The following DNM3 variants were observed in gnomAD, a reference collection of about 807,000 sequenced individuals.
DNM3 encodes dynamin-3.
In DNM3, 47 loss-of-function variants were observed where a neutral mutation model predicts 101.6. The ratio of observed to expected loss-of-function variants is 0.46; its 90% CI spans 0.37 to 0.59. The LOEUF (loss-of-function observed/expected upper bound fraction) is 0.59. Ranked by LOEUF, DNM3 falls within the 20% of genes least tolerant of loss-of-function variation. DNM3 has a pLI of 0.00. For missense variants in DNM3, 849 were observed against 1,085.7 expected (o/e 0.78, Z 3.06); for synonymous variants, 385 against 387.9 (o/e 0.99, Z 0.09).
At chr1:172,239,739 G>A (rs528415277) in intron 14 of DNM3, among the ~76,000 whole-genome samples, 24 of 147,832 alleles carry the variant, frequency 1.6e-4, no homozygotes, top group Middle Eastern at 3.8e-3. Context: ...CATTCTCTGG[G>A]TTCTTGGTTA....
intron 18 of DNM3, 121 bp from the exon 19 acceptor site, chr1:172,387,012 A>AGGGTGGACTT: frequency 1.3e-6 from 1 of 778,866 alleles, no homozygotes; most frequent in Non-Finnish European, 2.1e-6. Context: ...CACTTTTCCC[A>AGGGTGGACTT]GGGTGGACTT....
intron 2 of DNM3, among the ~76,000 whole-genome samples, chr1:171,957,284 A>G (rs544436660): frequency 7.1e-6 from 1 of 141,656 alleles, no homozygotes; most frequent in East Asian, 2.0e-4. Context: ...TGCAAGCTCC[A>G]CCTCCCAGGT....
At position 172,131,431 on chromosome 1, in the gene DNM3, C is replaced by T. The variant is rs2056929848; in HGVS notation, c.1659+143C>T. On this transcript the variant is annotated intron_variant, in intron 14 of 20. Coordinates refer to ENST00000627582, the MANE Select transcript of DNM3 (RefSeq NM_015569.5). ...CTTGGAATGTTTGTTTAAAAAGGCA[C>T]TATTATTTTCTTATAGATTTTAAAG... 8 of 660,230 alleles carry T rather than the reference C, an allele frequency of 1.2e-5. No homozygotes were observed. In the South Asian group the frequency reaches 2.0e-4, roughly 17 times the overall value. The allele number at this position is 660,230 out of a possible 1,614,324, so 40.9% of individuals were successfully genotyped here.
intron 2 of DNM3, among the ~76,000 whole-genome samples, chr1:171,969,823 G>A (rs1313689536): frequency 6.6e-6 from 1 of 152,014 alleles, no homozygotes; most frequent in African/African-American, 2.4e-5. Flanking sequence ...AACAATCCTA[G>A]GAGGTAGGTG....
At chr1:171,944,349 A>ATTTT in intron 2 of DNM3, among the ~76,000 whole-genome samples, 1 of 104,886 alleles carries the variant, frequency 9.5e-6, no homozygotes, top group Non-Finnish European at 2.4e-5. Flanking sequence ...GTATTTATTT[A>ATTTT]TTTATTTATT....
chr1:172,379,230 G>A lies in DNM3; in HGVS notation c.2058+48G>A, dbSNP rs750631588. On this transcript the variant is annotated intron_variant, in intron 18 of 20. Coordinates refer to ENST00000627582, the MANE Select transcript of DNM3 (RefSeq NM_015569.5). Reference sequence around the variant, plus strand: ...CATTTAACTTCTAACCCATCCGAGTGTGGAAGTTGCACATATTATCTTCAG... The same window carrying A: ...CATTTAACTTCTAACCCATCCGAGTATGGAAGTTGCACATATTATCTTCAG... 5.5e-6 allele frequency: 8 copies of A among 1,448,042 alleles called. No homozygotes were observed. The African/African-American group carries it at 8.5e-5, about 15-fold the overall frequency. 89.7% of individuals were successfully genotyped at this position (1,448,042 alleles called of 1,614,324 possible).
At chr1:171,865,310 G>A (rs1176691542) in intron 1 of DNM3, among the ~76,000 whole-genome samples, 1 of 151,964 alleles carries the variant, frequency 6.6e-6, no homozygotes, top group Non-Finnish European at 1.5e-5. Flanking sequence ...GAGCCCGGGA[G>A]TTCTAGACAA....
At chr1:171,904,815 G>A (rs150744003) in intron 1 of DNM3, among the ~76,000 whole-genome samples, 68 of 152,252 alleles carry the variant, frequency 4.5e-4, no homozygotes, top group Middle Eastern at 3.4e-3. Flanking sequence ...AACTTGGTAC[G>A]GAGGCTGAGG....
At chr1:172,216,583 A>G (rs1345154599) in intron 14 of DNM3, among the ~76,000 whole-genome samples, 1 of 152,194 alleles carries the variant, frequency 6.6e-6, no homozygotes, top group Non-Finnish European at 1.5e-5. Context: ...GAAACACTCA[A>G]GGCCAAATTG....
At chr1:172,236,375 GAA>G (rs1190602992) in intron 14 of DNM3, among the ~76,000 whole-genome samples, 1 of 152,160 alleles carries the variant, frequency 6.6e-6, no homozygotes, top group Admixed American at 6.6e-5. Flanking sequence ...TTCATGGAGA[GAA>G]AAGAGAGAGA....
At chr1:171,857,861 G>A (rs372931636) in intron 1 of DNM3, among the ~76,000 whole-genome samples, 1 of 152,138 alleles carries the variant, frequency 6.6e-6, no homozygotes, top group East Asian at 1.9e-4. Flanking sequence ...TCATAAGGGT[G>A]AGGCCCTGAT....
intron 15 of DNM3, among the ~76,000 whole-genome samples, chr1:172,270,862 T>A: frequency 6.6e-6 from 1 of 152,110 alleles, no homozygotes. Context: ...TTTCAAAAAA[T>A]GCAGTTGCAG....
intron 1 of DNM3, among the ~76,000 whole-genome samples, chr1:171,853,122 A>G (rs1014854622): frequency 2.6e-5 from 4 of 152,278 alleles, no homozygotes; most frequent in East Asian, 1.9e-4. Context: ...GGCTAATTCC[A>G]TGAAGCAGCT....
intron 10 of DNM3, among the ~76,000 whole-genome samples, chr1:172,063,212 A>G (rs2051384157): frequency 6.6e-6 from 1 of 152,188 alleles, no homozygotes; most frequent in African/African-American, 2.4e-5. Context: ...TAGAGGCATC[A>G]AACTTGTTCC....
At chr1:172,413,834 C>T (rs746409106), downstream of DNM3, among the ~76,000 whole-genome samples, 3 of 152,218 alleles carry the variant, frequency 2.0e-5, no homozygotes, top group Non-Finnish European at 4.4e-5. Context: ...CATATCTATA[C>T]ATTTTCCATG....
At chr1:172,131,753 C>T (rs1005316375) in intron 14 of DNM3, 2 of 350,010 alleles carry the variant, frequency 5.7e-6, no homozygotes, top group Admixed American at 3.9e-5. Context: ...ACGTCCACAT[C>T]GCTAGTCTTC....
chr1:172,223,379 T>C lies in DNM3; in HGVS notation c.1660-30194T>C, dbSNP rs1232723137. On this transcript the variant is annotated intron_variant, in intron 14 of 20. Transcript: ENST00000627582. ...GCACCAATTGGCAGGCACCATTGTATATCCATTCTGTCATAAAAAAAATCC... is the reference window on the plus strand; with the variant it reads ...GCACCAATTGGCAGGCACCATTGTACATCCATTCTGTCATAAAAAAAATCC... Among the ~76,000 whole-genome samples, 5 of 152,028 alleles carry C rather than the reference T, an allele frequency of 3.3e-5. No homozygotes were observed. In the East Asian group the frequency reaches 7.7e-4, roughly 24 times the overall value.
At chr1:171,980,766 GAT>G (rs1491530753) in intron 2 of DNM3, among the ~76,000 whole-genome samples, 105 of 133,170 alleles carry the variant, frequency 7.9e-4, no homozygotes, top group African/African-American at 2.8e-3. Flanking sequence ...GAAATCTACA[GAT>G]TTTTTTTTTT....
At chr1:172,264,902 G>A (rs1236870099) in intron 15 of DNM3, among the ~76,000 whole-genome samples, 2 of 152,168 alleles carry the variant, frequency 1.3e-5, no homozygotes, top group African/African-American at 4.8e-5. Context: ...GTAGTTTAGA[G>A]ATTAACTATG....
Sources: allele counts gnomAD v4.1 joint callset (sites outside exome capture counted in the v4.1 genomes callset), GRCh38; gene constraint gnomAD v4.1.1; transcripts MANE v1.5; gene names NCBI Gene and HGNC (gene_info 2026-07-23, HGNC 2026-07-21).